SLC6A12: variants seen among roughly 807,000 people sequenced by gnomAD.
SLC6A12 encodes solute carrier family 6 member 12, also known as sodium- and chloride-dependent betaine transporter.
SLC6A12 carries 50 observed loss-of-function variants against 73.3 expected under a neutral mutation model. That is an observed-to-expected ratio of 0.68 (90% CI 0.54 to 0.86). SLC6A12 has a LOEUF of 0.86. SLC6A12 is among the 40% of genes least tolerant of loss of function. The pLI is 0.00. For missense variants in SLC6A12, 648 were observed against 772.8 expected, an observed-to-expected ratio of 0.84 and a Z score of 1.92; for synonymous variants, 304 against 309.2, an observed-to-expected ratio of 0.98 and a Z score of 0.18.
In SLC6A12 at chr12:196,793, T is replaced by C. The variant is rs769827943; in HGVS notation, c.1165A>G (p.Ile389Val). Residue 389 changes from isoleucine to valine, a missense_variant, in exon 11 of 16, where the codon ATA becomes GTA. Physicochemically the swap from Ile to Val is conservative, Grantham distance 29 (BLOSUM62 3). Transcript: ENST00000684302. ...ACCTGGCTGTCCAGCCCTAGGAATA[T>C]GAGCATGATAAAGAACAGGCAGGAC... ...LWSCLFFIMLIFLGLDSQFVC... is the reference protein window; with the variant it reads ...LWSCLFFIMLVFLGLDSQFVC... The C allele has an allele frequency of 6.2e-7, 1 of 1,613,372 alleles. No individual in the cohort carries two copies. Among genetic ancestry groups the C allele is most frequent in the Non-Finnish European group, 8.5e-7 (1 of 1,179,542 alleles).
chr12:188,394 C>T (rs1285759115), downstream of SLC6A12, among the ~76,000 whole-genome samples: 1 of 152,116 alleles, frequency 6.6e-6, no homozygotes, highest in Non-Finnish European at 1.5e-5. Context: ...AGCCCACGCC[C>T]ACCCGGAACT....
At chr12:187,309 G>A (rs548458504), downstream of SLC6A12, among the ~76,000 whole-genome samples, 48 of 152,214 alleles carry the variant, frequency 3.2e-4, no homozygotes, top group East Asian at 5.4e-3. Context: ...CTTAAAGGCG[G>A]CGTGTCCGGA....
At chr12:205,682 G>A (rs1940596052) in intron 3 of SLC6A12, among the ~76,000 whole-genome samples, 1 of 152,178 alleles carries the variant, frequency 6.6e-6, no homozygotes, top group Non-Finnish European at 1.5e-5. Context: ...CAGAGGGAAA[G>A]AAAGGAAAAA....
At position 196,136 on chromosome 12, in the gene SLC6A12, GA is replaced by G; in HGVS notation, c.1313del (p.Phe438SerfsTer35). On this transcript the variant is annotated frameshift_variant, in exon 12 of 16. Coordinates refer to ENST00000684302, the MANE Select transcript of SLC6A12 (RefSeq NM_001122848.3). LOFTEE classifies it high-confidence loss of function. ...IAVMCYLIGL[F>X]LVTEGGMYIF... ...GGCCGCAGCTCACCTCGGTGACCAGGAAAAGCCCTATCAGGTAGCACATGAC... is the reference window on the plus strand; with the variant it reads ...GGCCGCAGCTCACCTCGGTGACCAGGAAAGCCCTATCAGGTAGCACATGAC... The G allele has an allele frequency of 6.4e-7, 1 of 1,561,590 alleles. No homozygotes were observed. Among genetic ancestry groups the G allele is most frequent in the Non-Finnish European group, 8.7e-7 (1 of 1,152,564 alleles).
At position 212,114 on chromosome 12, in the gene SLC6A12, G is replaced by A. The variant is rs1294331980; in HGVS notation, c.-142-4C>T. On this transcript the variant is annotated splice_polypyrimidine_tract_variant and splice_region_variant and intron_variant, in intron 1 of 15. Coordinates refer to ENST00000684302, the MANE Select transcript of SLC6A12 (RefSeq NM_001122848.3). ...CCTCTCTGAACTCTAAGTTTCCCTG[G>A]AAGAGAGAAAGACCACTGCTCAAAG... The A allele has an allele frequency of 6.6e-6, 1 of 152,238 alleles. No homozygotes were observed. The highest frequency in any genetic ancestry group is 1.5e-5 in the Non-Finnish European group (1 of 68,062). The allele number at this position is 152,238 out of a possible 1,614,324, so 9.4% of individuals were successfully genotyped here.
At chr12:189,822 G>A (rs940310893), downstream of SLC6A12, among the ~76,000 whole-genome samples, 9 of 128,782 alleles carry the variant, frequency 7.0e-5, no homozygotes, top group African/African-American at 3.0e-4. Flanking sequence ...AGCTAAGGAG[G>A]GCACCCCCAC....
chr12:187,589 C>CAAAAGAGCAAAAG (rs1939453849), downstream of SLC6A12, among the ~76,000 whole-genome samples: 1 of 106,074 alleles, frequency 9.4e-6, no homozygotes, highest in African/African-American at 5.3e-5. Flanking sequence ...TGCAAAAGAG[C>CAAAAGAGCAAAAG]AAAAAAAAAA....
intron 7 of SLC6A12, among the ~76,000 whole-genome samples, chr12:200,264 A>G (rs980082777): frequency 2.3e-4 from 34 of 150,566 alleles, no homozygotes; most frequent in South Asian, 4.3e-4. Flanking sequence ...GCCCACCACC[A>G]CGCCCGGCTA....
chr12:208,032 C>G (rs1302718931), intron 3 of SLC6A12, among the ~76,000 whole-genome samples: 1 of 152,230 alleles, frequency 6.6e-6, no homozygotes, highest in Non-Finnish European at 1.5e-5. Flanking sequence ...CACCGCGGCC[C>G]TGCCTCCCAG....
At position 193,041 on chromosome 12, in the gene SLC6A12, C is replaced by T. The variant is rs894625772; in HGVS notation, c.1530+236G>A. The T allele has an allele frequency of 7.5e-6, 4 of 536,108 alleles. No individual in the cohort carries two copies. In the East Asian group the frequency reaches 1.2e-4, roughly 16 times the overall value. The allele number at this position is 536,108 out of a possible 1,614,324, so 33.2% of individuals were successfully genotyped here. On this transcript the variant is annotated intron_variant, in intron 14 of 15. Transcript: ENST00000684302. ...CGAGAAATCAGGCAGAAGCAGGAGGCACTGTGAGGAAGGGATGGAGCCGGA... is the reference window on the plus strand; with the variant it reads ...CGAGAAATCAGGCAGAAGCAGGAGGTACTGTGAGGAAGGGATGGAGCCGGA...
At chr12:207,590 G>A (rs1940712962) in intron 3 of SLC6A12, among the ~76,000 whole-genome samples, 1 of 152,018 alleles carries the variant, frequency 6.6e-6, no homozygotes. Flanking sequence ...TTATATTTAA[G>A]TGCCAATCAG....
chr12:187,018 A>G (rs80244282), downstream of SLC6A12, among the ~76,000 whole-genome samples: 2,002 of 152,332 alleles, frequency 0.013, 37 homozygotes, highest in African/African-American at 0.045. Context: ...TAGGGCACAG[A>G]TTATGAATTC....
At position 198,793 on chromosome 12, in the gene SLC6A12, A is replaced by G; in HGVS notation, c.846+4T>C. On this transcript the variant is annotated splice_donor_region_variant and intron_variant, in intron 8 of 15. Transcript: ENST00000684302. This position sits in a 1 kb window ranked among gnomAD's most constrained non-coding sequence, Gnocchi z 4.0. ...TGGGGAAGTGGTCCCAGCACGGTAC[A>G]TACCTGAGGGTCCTTGAGGCGGAAC... is the stretch of plus-strand genomic sequence containing the variant. The G allele has an allele frequency of 1.2e-6, 2 of 1,614,226 alleles. No homozygotes were observed. The highest frequency in any genetic ancestry group is 8.5e-7 in the Non-Finnish European group (1 of 1,180,028).
chr12:213,951 AG>A lies in SLC6A12; in HGVS notation c.-173del, dbSNP rs1236212019. On this transcript the variant is annotated 5_prime_UTR_variant, in exon 1 of 16. The change creates a premature stop within an existing upstream ORF in the 5' untranslated region. Coordinates refer to ENST00000684302, the MANE Select transcript of SLC6A12 (RefSeq NM_001122848.3). This position sits in a 1 kb window ranked among gnomAD's most constrained non-coding sequence, Gnocchi z 5.3. Reference sequence around the variant, plus strand: ...GTCCCCAGCACCGGCTCCTGTGGTCAGCTTGGCTGTGGGCATCAGGTCTCCA... The same window carrying A: ...GTCCCCAGCACCGGCTCCTGTGGTCACTTGGCTGTGGGCATCAGGTCTCCA... 3 of 152,426 alleles carry A rather than the reference AG, an allele frequency of 2.0e-5. No homozygotes were observed. The highest frequency in any genetic ancestry group is 7.2e-5 in the African/African-American group (3 of 41,428). 9.4% of individuals were successfully genotyped at this position (152,426 alleles called of 1,614,324 possible).
chr12:194,756 G>T (rs1836503516), intron 13 of SLC6A12, among the ~76,000 whole-genome samples: 1 of 152,188 alleles, frequency 6.6e-6, no homozygotes, highest in Non-Finnish European at 1.5e-5. Context: ...GTACAGGAGA[G>T]AAATGCATAA....
rs1028358018 is a variant in SLC6A12, at chr12:190,339, G to C, written c.*729C>G. 1.3e-5 allele frequency: 2 copies of C among 152,322 alleles called. No individual in the cohort carries two copies. Among genetic ancestry groups the C allele is most frequent in the African/African-American group, 4.8e-5 (2 of 41,426 alleles). 9.4% of individuals were successfully genotyped at this position (152,322 alleles called of 1,614,324 possible). On this transcript the variant is annotated 3_prime_UTR_variant, in exon 16 of 16. Transcript: ENST00000684302. ...AGGATTGTGAGGTGGGAAAGAATCT[G>C]TGATCAGTTAGCAATATCGGCCTTG...
At chr12:192,450 A>C (rs1428879087) in intron 15 of SLC6A12, 28 bp downstream of exon 15, 11 of 1,604,788 alleles carry the variant, frequency 6.9e-6, no homozygotes, top group Non-Finnish European at 9.4e-6. Context: ...CCCTCCTTTA[A>C]GAGGTCACTC....
At position 196,249 on chromosome 12, in the gene SLC6A12, C is replaced by A. The variant is rs1402031213; in HGVS notation, c.1201G>T (p.Glu401Ter). 6.2e-7 allele frequency: 1 copy of A among 1,608,240 alleles called. No homozygotes were observed. The change falls in exon 12 of 16, where the codon GAG (glutamate) becomes TAG (stop). Residue 401 changes from glutamate to a stop codon, truncating the protein, a stop_gained. Transcript: ENST00000684302. LOFTEE classifies it high-confidence loss of function. ...LGLDSQFVCV[E>*]CLVTASIDMF... ...TCTATGGAGGCTGTCACCAGGCACT[C>A]CACACAGACAAACTGTGGGCCAGGA...
In SLC6A12 at chr12:198,553, G is replaced by GA; in HGVS notation, c.846+243dup. 1 of 401,930 alleles carries GA rather than the reference G, an allele frequency of 2.5e-6. No individual in the cohort carries two copies. Among genetic ancestry groups the GA allele is most frequent in the Non-Finnish European group, 4.5e-6 (1 of 223,244 alleles). The allele number at this position is 401,930 out of a possible 1,614,324, so 24.9% of individuals were successfully genotyped here. ...CACTCCAGCCTGGGGGACAGAGCCA[G>GA]ACCCTGCCTGTCTCTAAGTAAGAGA... On this transcript the variant is annotated intron_variant, in intron 8 of 15. Coordinates refer to ENST00000684302, the MANE Select transcript of SLC6A12 (RefSeq NM_001122848.3). This position sits in a 1 kb window ranked among gnomAD's most constrained non-coding sequence, Gnocchi z 4.0.
Sources: gnomAD v4.1 joint callset for allele counts (sites outside exome capture counted in the v4.1 genomes callset) on GRCh38, gnomAD v4.1.1 for gene constraint, Gnocchi (gnomAD v3.1) non-coding constraint, MANE v1.5 for transcripts, NCBI Gene and HGNC (gene_info 2026-07-23, HGNC 2026-07-21) for gene names.